Variants in ZFYVE9 observed in about 807,000 individuals in gnomAD.
The protein encoded by ZFYVE9 is zinc finger FYVE domain-containing protein 9.
ZFYVE9 carries 43 observed loss-of-function variants against 126.7 expected under a neutral mutation model. The ratio of observed to expected loss-of-function variants is 0.34; its 90% confidence interval spans 0.27 to 0.44. The LOEUF (loss-of-function observed/expected upper bound fraction) is 0.44. ZFYVE9 is among the 20% of genes least tolerant of loss of function. The probability of loss-of-function intolerance (pLI) is 1.00; values close to 1 mark genes in which losing one functional copy is unlikely to be tolerated. For synonymous variants in ZFYVE9, 521 were observed against 597.4 expected, an observed-to-expected ratio of 0.87 and a Z score of 1.87; for missense variants, 1,476 against 1,697.0, an observed-to-expected ratio of 0.87 and a Z score of 2.29.
chr1:52,188,312 C>G (rs1268394891), intron 1 of ZFYVE9, among the ~76,000 whole-genome samples: 1 of 152,058 alleles, frequency 6.6e-6, no homozygotes, highest in African/African-American at 2.4e-5. Flanking sequence ...ACAACGGACA[C>G]TGGGTCCTAC....
chr1:52,283,173 G>A (rs924651189), intron 10 of ZFYVE9, among the ~76,000 whole-genome samples: 3 of 152,128 alleles, frequency 2.0e-5, no homozygotes, highest in Admixed American at 6.6e-5. Flanking sequence ...AAATAACTGG[G>A]AACTTTCACT....
chr1:52,150,507 C>T (rs1333529685), intron 1 of ZFYVE9: 1 of 152,114 alleles, frequency 6.6e-6, no homozygotes, highest in Admixed American at 6.6e-5. Context: ...TGGCTCATGC[C>T]TGTAATCCCA....
chr1:52,290,812 A>C (rs187097002), intron 10 of ZFYVE9, among the ~76,000 whole-genome samples: 1 of 152,328 alleles, frequency 6.6e-6, no homozygotes, highest in East Asian at 1.9e-4. Context: ...AATAGTTATA[A>C]TTTTTTGAGA....
intron 4 of ZFYVE9, among the ~76,000 whole-genome samples, chr1:52,262,028 C>T (rs1036469472): frequency 2.6e-5 from 4 of 152,138 alleles, no homozygotes; most frequent in Non-Finnish European, 4.4e-5. Context: ...TTAGTCCATT[C>T]GGGCTGCTAT....
intron 1 of ZFYVE9, among the ~76,000 whole-genome samples, chr1:52,177,731 A>G (rs1644651013): frequency 6.6e-6 from 1 of 152,178 alleles, no homozygotes; most frequent in South Asian, 2.1e-4. Context: ...CTCCAGATGG[A>G]TAAAGATGAG....
chr1:52,177,092 G>T (rs1269145332), intron 1 of ZFYVE9, among the ~76,000 whole-genome samples: 3 of 151,724 alleles, frequency 2.0e-5, no homozygotes, highest in Admixed American at 6.6e-5. Context: ...CGTCGCTCAC[G>T]CTGGGAGCTG....
At chr1:52,293,929 A>G (rs1295030601) in intron 11 of ZFYVE9, among the ~76,000 whole-genome samples, 3 of 152,216 alleles carry the variant, frequency 2.0e-5, no homozygotes, top group Non-Finnish European at 4.4e-5. Flanking sequence ...TCATCTTTAG[A>G]AAAGTGAATT....
At chr1:52,334,803 A>T in intron 15 of ZFYVE9, 35 bp downstream of exon 15, 1 of 1,598,778 alleles carries the variant, frequency 6.3e-7, no homozygotes, top group South Asian at 1.1e-5. Flanking sequence ...CATAATAAGG[A>T]CTGAACTTAT....
intron 17 of ZFYVE9, among the ~76,000 whole-genome samples, chr1:52,343,838 G>A (rs901615224): frequency 3.3e-5 from 5 of 151,776 alleles, no homozygotes; most frequent in Non-Finnish European, 5.9e-5. Flanking sequence ...TTGGGAGGCC[G>A]AGGTGGACAG....
At chr1:52,179,064 A>C (rs1489219879) in intron 1 of ZFYVE9, among the ~76,000 whole-genome samples, 30 of 152,172 alleles carry the variant, frequency 2.0e-4, no homozygotes, top group Non-Finnish European at 7.4e-5. Context: ...GTGGCCTCCC[A>C]AAATGCTGGA....
chr1:52,243,255 AAAAAC>A (rs1283487812), intron 4 of ZFYVE9, among the ~76,000 whole-genome samples: 2 of 152,204 alleles, frequency 1.3e-5, no homozygotes, highest in African/African-American at 2.4e-5. Context: ...GGCCAGTGAC[AAAAAC>A]AAAACAAAAC....
chr1:52,264,371 G>T (rs538500434), intron 5 of ZFYVE9, among the ~76,000 whole-genome samples: 3 of 152,208 alleles, frequency 2.0e-5, no homozygotes, highest in African/African-American at 7.2e-5. Flanking sequence ...CATTTTTAAA[G>T]CCCATTTATC....
chr1:52,280,900 G>A (rs572145065), intron 9 of ZFYVE9, among the ~76,000 whole-genome samples: 244 of 152,088 alleles, frequency 1.6e-3, no homozygotes, highest in African/African-American at 5.7e-3. Flanking sequence ...ATTGGCTTTT[G>A]TTGTAATTAC....
intron 13 of ZFYVE9, among the ~76,000 whole-genome samples, chr1:52,320,435 A>C (rs1369090330): frequency 6.6e-6 from 1 of 152,256 alleles, no homozygotes; most frequent in Admixed American, 6.5e-5. Flanking sequence ...ATATATGAAT[A>C]GACCAATGGA....
chr1:52,146,609 A>T (rs1644308445), intron 1 of ZFYVE9, among the ~76,000 whole-genome samples: 1 of 152,144 alleles, frequency 6.6e-6, no homozygotes, highest in Non-Finnish European at 1.5e-5. Context: ...GGTAAATCAG[A>T]GCTATAGTTC....
chr1:52,255,084 A>G (rs1314937691), intron 4 of ZFYVE9, among the ~76,000 whole-genome samples: 1 of 149,668 alleles, frequency 6.7e-6, no homozygotes, highest in Non-Finnish European at 1.5e-5. Context: ...AAACGAGACC[A>G]TGTCTCAAAA....
intron 2 of ZFYVE9, among the ~76,000 whole-genome samples, chr1:52,220,462 G>A (rs896265420): frequency 7.9e-5 from 12 of 152,214 alleles, no homozygotes; most frequent in African/African-American, 2.7e-4. Context: ...TGAGGCAGCC[G>A]ATTGGGGGCA....
intron 17 of ZFYVE9, 122 bp from the exon 18 acceptor site, chr1:52,344,646 T>A (rs1306177336): frequency 9.7e-7 from 1 of 1,034,208 alleles, no homozygotes; most frequent in Non-Finnish European, 1.4e-6. Flanking sequence ...CTTTATGGTG[T>A]CCTGTTCCTG....
chr1:52,344,827 T>C lies in ZFYVE9; in HGVS notation c.3999T>C (p.Ser1333=). The change falls in exon 18 of 19, where the codon AGT becomes AGC. Residue 1333 remains serine, a synonymous_variant. Transcript: ENST00000287727. ...HNCLSDPADH[S]RLTEHVAKAF... is the part of the protein sequence containing the mutation. ...GCCTCAGTGATCCTGCAGATCACAGTAGATTGACTGAGCATGTTGCCAAAG... is the reference window on the plus strand; with the variant it reads ...GCCTCAGTGATCCTGCAGATCACAGCAGATTGACTGAGCATGTTGCCAAAG... 1 of 1,614,204 alleles carries C rather than the reference T, an allele frequency of 6.2e-7. No individual in the cohort carries two copies. The highest frequency in any genetic ancestry group is 8.5e-7 in the Non-Finnish European group (1 of 1,180,034).
Sources: allele counts gnomAD v4.1 joint callset (sites outside exome capture counted in the v4.1 genomes callset), GRCh38; gene constraint gnomAD v4.1.1; transcripts MANE v1.5; gene names NCBI Gene and HGNC (gene_info 2026-07-23, HGNC 2026-07-21).